ALG14: variants seen among roughly 807,000 people sequenced by gnomAD.
ALG14 encodes the protein ALG14 UDP-N-acetylglucosaminyltransferase subunit.
In ALG14, 17 loss-of-function variants were observed where a neutral mutation model predicts 22.8. That is an observed-to-expected ratio of 0.75 (90% CI 0.51 to 1.12). The LOEUF (loss-of-function observed/expected upper bound fraction) is 1.12, where lower values mean the gene tolerates loss of function less well. ALG14 is among the 50% of genes most tolerant of loss of function. The pLI, the probability that ALG14 is intolerant of heterozygous loss-of-function variation, is 0.00. For synonymous variants in ALG14, 89 were observed against 103.7 expected (o/e 0.86, Z 0.86); for missense variants, 288 against 271.8 (o/e 1.06, Z -0.42).
intron 3 of ALG14, among the ~76,000 whole-genome samples, chr1:95,020,628 C>G (rs986880830): frequency 2.6e-5 from 4 of 151,434 alleles, no homozygotes; most frequent in Non-Finnish European, 5.9e-5. Context: ...ATCCCAGCTA[C>G]TTGGGAGGCT....
At chr1:95,048,949 C>T (rs1156560639) in intron 2 of ALG14, among the ~76,000 whole-genome samples, 1 of 151,994 alleles carries the variant, frequency 6.6e-6, no homozygotes, top group East Asian at 1.9e-4. Context: ...TATTATTTGC[C>T]TTTACTCTTG....
At chr1:95,018,388 T>C (rs1673565061) in intron 3 of ALG14, among the ~76,000 whole-genome samples, 1 of 151,628 alleles carries the variant, frequency 6.6e-6, no homozygotes, top group African/African-American at 2.4e-5. Context: ...ATAAAAAAAT[T>C]AGCTGGGTGT....
chr1:95,007,333 G>A (rs578039958), intron 3 of ALG14, among the ~76,000 whole-genome samples: 1 of 152,138 alleles, frequency 6.6e-6, no homozygotes, highest in East Asian at 1.9e-4. Context: ...GTCATTTCCC[G>A]TCTGAAGACA....
At chr1:95,011,211 A>T in intron 3 of ALG14, among the ~76,000 whole-genome samples, 1 of 151,984 alleles carries the variant, frequency 6.6e-6, no homozygotes, top group Non-Finnish European at 1.5e-5. Context: ...CTTTTGGGAG[A>T]TGATTAGGTC....
Position 94,975,641 on chromosome 1 carries a change from G to A in ALG14, c.*7435C>T, listed in dbSNP as rs1672377796. The stretch of plus-strand genomic sequence containing the variant: ...GGGCTCCAATTTCTCCAAATCCTTG[G>A]CAGCATGTATTTTCTGGGTTTTCTT... On this transcript the variant is annotated 3_prime_UTR_variant, in exon 4 of 4. Transcript: ENST00000370205. 6.6e-6 allele frequency: 1 copy of A among 152,048 alleles called. No individual in the cohort carries two copies. Among genetic ancestry groups the A allele is most frequent in the African/African-American group, 2.4e-5 (1 of 41,384 alleles). 9.4% of individuals were successfully genotyped at this position (152,048 alleles called of 1,614,324 possible).
intron 3 of ALG14, among the ~76,000 whole-genome samples, chr1:95,009,323 T>C (rs1673303373): frequency 1.3e-5 from 2 of 151,988 alleles, no homozygotes; most frequent in African/African-American, 4.8e-5. Flanking sequence ...TTAGGAACCA[T>C]ACATTGTGAA....
intron 2 of ALG14, among the ~76,000 whole-genome samples, chr1:95,061,352 T>C (rs977369365): frequency 3.3e-5 from 5 of 152,172 alleles, no homozygotes; most frequent in Non-Finnish European, 7.3e-5. Flanking sequence ...CATTTTGCTA[T>C]AGCTGAATGA....
At chr1:95,034,087 T>C (rs1407428574) in intron 2 of ALG14, among the ~76,000 whole-genome samples, 1 of 152,226 alleles carries the variant, frequency 6.6e-6, no homozygotes, top group East Asian at 1.9e-4. Context: ...GACTCACTCC[T>C]TCCTGAGGGC....
intron 3 of ALG14, among the ~76,000 whole-genome samples, chr1:94,984,247 T>A (rs1672579161): frequency 6.6e-6 from 1 of 152,204 alleles, no homozygotes; most frequent in Non-Finnish European, 1.5e-5. Flanking sequence ...ACATATCTAT[T>A]GGGCATGCTC....
chr1:95,028,673 GCTGTAGTCTCAGCTAT>G (rs1673902557), intron 2 of ALG14, among the ~76,000 whole-genome samples: 2 of 151,760 alleles, frequency 1.3e-5, no homozygotes, highest in African/African-American at 4.8e-5. Context: ...ACAAAAAATA[GCTGTAGTCTCAGCTAT>G]TTGGGAGGCT....
chr1:94,999,307 T>C (rs1428819946), intron 3 of ALG14, among the ~76,000 whole-genome samples: 2 of 147,410 alleles, frequency 1.4e-5, no homozygotes, highest in Non-Finnish European at 3.0e-5. Context: ...AAAAGTCCTC[T>C]AGCTAAGTAT....
At position 94,983,280 on chromosome 1, in the gene ALG14, A is replaced by G. The variant is rs768728147; in HGVS notation, c.447T>C (p.Cys149=). ...GAAGGGCAGATACACAGATAGGAAC[A>G]CATGTTCCTGGTCCGTTACACAACA... The part of the protein sequence containing the change: ...DLVLCNGPGT[C]VPICVSALLL... The change falls in exon 4 of 4, where the codon TGT becomes TGC. Residue 149 remains cysteine (C), a synonymous_variant. Transcript: ENST00000370205. The G allele has an allele frequency of 1.2e-6, 2 of 1,614,142 alleles. No homozygotes were observed. The highest frequency in any genetic ancestry group is 2.2e-5 in the South Asian group (2 of 91,076).
intron 3 of ALG14, among the ~76,000 whole-genome samples, chr1:95,000,396 G>A (rs1673030849): frequency 6.6e-6 from 1 of 151,442 alleles, no homozygotes; most frequent in African/African-American, 2.4e-5. Context: ...AAAATTAGCT[G>A]GGTGGCATGC....
chr1:95,064,753 C>T (rs534913984), intron 2 of ALG14, 113 bp downstream of exon 2: 17 of 859,222 alleles, frequency 2.0e-5, no homozygotes, highest in Non-Finnish European at 2.9e-5. Flanking sequence ...CACCAGCAAA[C>T]ATTTGACTGC....
chr1:95,040,076 G>A (rs1367311901), intron 2 of ALG14, among the ~76,000 whole-genome samples: 1 of 152,048 alleles, frequency 6.6e-6, no homozygotes, highest in Non-Finnish European at 1.5e-5. Flanking sequence ...GGAGGTTGAG[G>A]TGGGTGGATA....
intron 2 of ALG14, among the ~76,000 whole-genome samples, chr1:95,046,718 C>T (rs1397927327): frequency 1.3e-5 from 2 of 152,050 alleles, no homozygotes; most frequent in Non-Finnish European, 2.9e-5. Context: ...AAATAACTTA[C>T]AGAATAAAAT....
At chr1:94,984,926 G>T (rs1042207261) in intron 3 of ALG14, among the ~76,000 whole-genome samples, 1 of 152,040 alleles carries the variant, frequency 6.6e-6, no homozygotes, top group South Asian at 2.1e-4. Flanking sequence ...CATAATTTGA[G>T]ACAAGTTCTC....
At chr1:95,012,546 C>A (rs2100751116) in intron 3 of ALG14, among the ~76,000 whole-genome samples, 1 of 152,344 alleles carries the variant, frequency 6.6e-6, no homozygotes, top group Middle Eastern at 3.4e-3. Flanking sequence ...TACTGAGAAA[C>A]ACAAATGCCA....
At chr1:95,021,632 A>G (rs1673665534) in intron 3 of ALG14, among the ~76,000 whole-genome samples, 1 of 152,286 alleles carries the variant, frequency 6.6e-6, no homozygotes, top group African/African-American at 2.4e-5. Flanking sequence ...AAGCACTGAA[A>G]GTCTGTGAAG....
Sources: gnomAD v4.1 joint callset for allele counts (sites outside exome capture counted in the v4.1 genomes callset) on GRCh38, gnomAD v4.1.1 for gene constraint, MANE v1.5 for transcripts, NCBI Gene and HGNC (gene_info 2026-07-23, HGNC 2026-07-21) for gene names.